Variants in SF3B1 observed in about 807,000 individuals in gnomAD.
SF3B1 encodes the protein splicing factor 3b subunit 1, also known as pre-mRNA processing 10.
Under a neutral mutation model 153.8 loss-of-function variants are expected in SF3B1, and 12 were observed. The ratio of observed to expected loss-of-function variants is 0.08; its 90% CI spans 0.05 to 0.13. SF3B1 has a LOEUF of 0.13. SF3B1 is among the 10% of genes least tolerant of loss of function. SF3B1 has a pLI of 1.00. For synonymous variants in SF3B1, 498 were observed against 525.2 expected (o/e 0.95, Z 0.71); for missense variants, 513 against 1,606.1 (o/e 0.32, Z 11.63).
At chr2:197,421,694 C>G (rs1018093581) in intron 2 of SF3B1, among the ~76,000 whole-genome samples, 1 of 151,950 alleles carries the variant, frequency 6.6e-6, no homozygotes, top group Admixed American at 6.6e-5. Context: ...GCAACAGAGA[C>G]CCAGCTGGGC....
At chr2:197,408,205 T>C (rs1313116322) in intron 8 of SF3B1, 86 bp from the exon 9 acceptor site, 4 of 1,338,814 alleles carry the variant, frequency 3.0e-6, no homozygotes, top group Non-Finnish European at 4.1e-6. Flanking sequence ...TTAAGATCAA[T>C]CCTATTATTT....
chr2:197,434,877 C>T, intron 1 of SF3B1, 95 bp downstream of exon 1: 3 of 1,392,016 alleles, frequency 2.2e-6, no homozygotes, highest in Non-Finnish European at 3.0e-6. Context: ...TCAGCTCCTA[C>T]GAAAGAAACC....
intron 1 of SF3B1, 129 bp downstream of exon 1, chr2:197,434,843 G>T (rs979497157): frequency 3.0e-5 from 29 of 970,084 alleles, no homozygotes; most frequent in Non-Finnish European, 4.1e-5. Context: ...CGGAGGAGAC[G>T]ACCCTTGGCC....
At position 197,422,337 on chromosome 2, in the gene SF3B1, C is replaced by T. The variant is rs112376159; in HGVS notation, c.196-1204G>A. On this transcript the variant is annotated intron_variant, in intron 2 of 24. Coordinates refer to ENST00000335508, the MANE Select transcript of SF3B1 (RefSeq NM_012433.4). Reference sequence around the variant, plus strand: ...CAGTTGGCACCGCATGTTCTCACTCCTAGGTGGGAACTGAACAATAAGAAC... The same window carrying T: ...CAGTTGGCACCGCATGTTCTCACTCTTAGGTGGGAACTGAACAATAAGAAC... 5.7e-4 allele frequency among the ~76,000 whole-genome samples: 87 copies of T among 151,502 alleles called. 2 individuals carry two copies. Among genetic ancestry groups the T allele is most frequent in the African/African-American group, 2.0e-3 (82 of 41,330 alleles).
chr2:197,407,200 C>T (rs1374713153), intron 9 of SF3B1, among the ~76,000 whole-genome samples: 1 of 152,140 alleles, frequency 6.6e-6, no homozygotes, highest in African/African-American at 2.4e-5. Context: ...TATCTGGTTC[C>T]CCCTGGTTAT....
intron 12 of SF3B1, 124 bp downstream of exon 12, chr2:197,403,461 T>G: frequency 1.8e-6 from 1 of 565,268 alleles, no homozygotes; most frequent in Non-Finnish European, 3.0e-6. Flanking sequence ...TAAAACTGTA[T>G]TTGTACATGT....
At chr2:197,420,099 A>G in intron 4 of SF3B1, 1 of 279,934 alleles carries the variant, frequency 3.6e-6, no homozygotes, top group Non-Finnish European at 6.7e-6. Context: ...ACTTTCAATA[A>G]TTTGAAAGTA....
chr2:197,425,498 A>C (rs1375211588), intron 1 of SF3B1, among the ~76,000 whole-genome samples: 1 of 151,990 alleles, frequency 6.6e-6, no homozygotes, highest in Non-Finnish European at 1.5e-5. Flanking sequence ...ATCAAATAAA[A>C]AATAAAAAAG....
chr2:197,400,243 A>G lies in SF3B1; in HGVS notation c.2901+9T>C, dbSNP rs538419188. On this transcript the variant is annotated intron_variant, in intron 19 of 24. Coordinates refer to ENST00000335508, the MANE Select transcript of SF3B1 (RefSeq NM_012433.4). This position sits in a 1 kb window ranked among gnomAD's most constrained non-coding sequence, Gnocchi z 5.0. ...GGGGAAGAAGTAAGAATTTGATGCA[A>G]AAGTTTACCTCTTGACAAGTCTTCA... is the stretch of plus-strand genomic sequence containing the variant. 141 of 1,612,990 alleles carry G rather than the reference A, an allele frequency of 8.7e-5. No individual in the cohort carries two copies. The South Asian group carries it at 1.3e-3, about 15-fold the overall frequency.
intron 3 of SF3B1, among the ~76,000 whole-genome samples, 165 bp from the exon 4 acceptor site, chr2:197,420,707 T>C (rs1449095170): frequency 1.3e-5 from 2 of 152,194 alleles, no homozygotes; most frequent in African/African-American, 4.8e-5. Context: ...ATAAGGCACA[T>C]GGAAACAAGG....
At chr2:197,434,855 C>G in intron 1 of SF3B1, 117 bp downstream of exon 1, 1 of 1,159,086 alleles carries the variant, frequency 8.6e-7, no homozygotes, top group Non-Finnish European at 1.3e-6. Flanking sequence ...CCCTTGGCCC[C>G]GAAACGCGGG....
chr2:197,403,993 A>G (rs1223161914), intron 11 of SF3B1, among the ~76,000 whole-genome samples: 1 of 152,248 alleles, frequency 6.6e-6, no homozygotes. Context: ...AACGAACCAC[A>G]GAGGTATGTA....
chr2:197,397,898 A>C, intron 22 of SF3B1, 87 bp downstream of exon 22: 3 of 996,992 alleles, frequency 3.0e-6, no homozygotes, highest in Non-Finnish European at 4.5e-6. Flanking sequence ...ATGCCTCAAA[A>C]GAGATTTCTA....
chr2:197,409,001 G>A (rs1366331520), intron 7 of SF3B1, among the ~76,000 whole-genome samples: 1 of 152,200 alleles, frequency 6.6e-6, no homozygotes, highest in Non-Finnish European at 1.5e-5. Flanking sequence ...GTCAGGCACA[G>A]TGGTTCATGC....
chr2:197,434,142 C>G (rs1402875087), intron 1 of SF3B1, among the ~76,000 whole-genome samples: 1 of 152,194 alleles, frequency 6.6e-6, no homozygotes, highest in Non-Finnish European at 1.5e-5. Flanking sequence ...CAGTGAAAAT[C>G]TCGGATTCCA....
intron 6 of SF3B1, among the ~76,000 whole-genome samples, chr2:197,415,998 T>G (rs933731202): frequency 3.5e-5 from 5 of 143,450 alleles, no homozygotes; most frequent in Admixed American, 2.8e-4. Flanking sequence ...TTTTTTTTTT[T>G]GTAAAGACAG....
intron 24 of SF3B1, 21 bp downstream of exon 24, chr2:197,392,949 TAA>T (rs746565531): frequency 3.0e-6 from 4 of 1,317,818 alleles, no homozygotes; most frequent in Admixed American, 4.3e-5. Flanking sequence ...AATCACCGAT[TAA>T]AAAAAAAATC....
rs1307485205 is a variant in SF3B1, at chr2:197,408,407, A to G, written c.1079T>C (p.Ile360Thr). 1 of 1,614,064 alleles carries G rather than the reference A, an allele frequency of 6.2e-7. No homozygotes were observed. Among genetic ancestry groups the G allele is most frequent in the Non-Finnish European group, 8.5e-7 (1 of 1,180,034 alleles). ...AGCCATGTTCATGGCTGGTGTGCCA[A>G]TTGGTGTCTTTCCAGGGGTCAGAAC... The part of the protein sequence containing the change: ...TPVLTPGKTP[I>T]GTPAMNMATP... The change falls in exon 8 of 25, where the codon ATT (isoleucine) becomes ACT (threonine). Residue 360 changes from isoleucine to threonine, a missense_variant. Physicochemically the swap from Ile to Thr is moderately conservative, Grantham distance 89. This residue lies in a region of SF3B1 where 91 missense variants were observed against 157.4 expected (regional missense o/e 0.58). Transcript: ENST00000335508.
At chr2:197,396,625 T>C (rs2084877274) in intron 22 of SF3B1, among the ~76,000 whole-genome samples, 1 of 152,230 alleles carries the variant, frequency 6.6e-6, no homozygotes, top group African/African-American at 2.4e-5. Flanking sequence ...TCTTAAACTT[T>C]CTGAAATATA....
Sources: gnomAD v4.1 joint callset for allele counts (sites outside exome capture counted in the v4.1 genomes callset) on GRCh38, gnomAD v4.1.1 for gene constraint, gnomAD v4.1.1 regional missense constraint, Gnocchi (gnomAD v3.1) non-coding constraint, MANE v1.5 for transcripts, NCBI Gene and HGNC (gene_info 2026-07-23, HGNC 2026-07-21) for gene names.